Variants in PAPSS1 observed in about 807,000 individuals in gnomAD.
PAPSS1 encodes the protein 3'-phosphoadenosine 5'-phosphosulfate synthase 1.
PAPSS1 carries 50 observed loss-of-function variants against 72.0 expected under a neutral mutation model. The observed-to-expected ratio is 0.69, with a 90% CI of 0.55 to 0.88. The LOEUF (loss-of-function observed/expected upper bound fraction) is 0.88, where lower values mean the gene tolerates loss of function less well. PAPSS1 is among the 40% of genes least tolerant of loss of function. PAPSS1 has a pLI of 0.00. For synonymous variants in PAPSS1, 261 were observed against 263.6 expected, an observed-to-expected ratio of 0.99 and a Z score of 0.09; for missense variants, 657 against 782.2, an observed-to-expected ratio of 0.84 and a Z score of 1.91.
intron 3 of PAPSS1, among the ~76,000 whole-genome samples, chr4:107,688,710 C>T (rs190121148): frequency 1.3e-5 from 2 of 152,220 alleles, no homozygotes; most frequent in East Asian, 1.9e-4. Flanking sequence ...AGTTCTTGAG[C>T]GTTTCTCTCA....
intron 11 of PAPSS1, among the ~76,000 whole-genome samples, chr4:107,622,454 G>A (rs139636811): frequency 1.3e-5 from 2 of 152,164 alleles, no homozygotes; most frequent in African/African-American, 4.8e-5. Context: ...CAACCACTAA[G>A]AGAAAAAAAT....
At chr4:107,719,822 G>C in intron 1 of PAPSS1, 1 of 1,269,636 alleles carries the variant, frequency 7.9e-7, no homozygotes, top group Non-Finnish European at 9.9e-7. Context: ...CACGGGTGAA[G>C]GATTTTCCTG....
At chr4:107,625,910 G>A (rs150310566) in intron 11 of PAPSS1, among the ~76,000 whole-genome samples, 14 of 152,106 alleles carry the variant, frequency 9.2e-5, no homozygotes, top group African/African-American at 3.1e-4. Context: ...GGCCGGGCGC[G>A]GTGGCTCATG....
At chr4:107,679,301 G>A (rs947934196) in intron 5 of PAPSS1, among the ~76,000 whole-genome samples, 2 of 152,078 alleles carry the variant, frequency 1.3e-5, no homozygotes, top group Non-Finnish European at 2.9e-5. Context: ...GAACACTGAG[G>A]ATGAAGCAGG....
At chr4:107,654,179 T>C (rs887106205) in intron 8 of PAPSS1, among the ~76,000 whole-genome samples, 3 of 152,230 alleles carry the variant, frequency 2.0e-5, no homozygotes, top group African/African-American at 7.2e-5. Context: ...GCCAACAATG[T>C]GCCCAGCTTC....
rs1722800673 is a variant in PAPSS1, at chr4:107,686,908, T to C, written c.550+131A>G. The C allele has an allele frequency of 3.6e-6, 3 of 841,964 alleles. No homozygotes were observed. The South Asian group carries it at 4.9e-5, about 14-fold the overall frequency. 52.2% of individuals were successfully genotyped at this position (841,964 alleles called of 1,614,324 possible). On this transcript the variant is annotated intron_variant, in intron 4 of 11. Transcript: ENST00000265174. ...ATGCCTGAGAGATAGAACAGTGTAA[T>C]AAGACTACATTCTCTCCTCAAGGAG...
At chr4:107,625,112 G>A (rs1726057140) in intron 11 of PAPSS1, among the ~76,000 whole-genome samples, 1 of 152,184 alleles carries the variant, frequency 6.6e-6, no homozygotes. Context: ...GCCATTTTAA[G>A]AAATGGCTGA....
intron 1 of PAPSS1, among the ~76,000 whole-genome samples, chr4:107,706,381 T>C (rs1456036327): frequency 6.6e-6 from 1 of 152,164 alleles, no homozygotes; most frequent in Non-Finnish European, 1.5e-5. Context: ...TACAATTATT[T>C]TGCTTGATCA....
At position 107,682,143 on chromosome 4, in the gene PAPSS1, G is replaced by T. The variant is rs758471085; in HGVS notation, c.551-10C>A. On this transcript the variant is annotated splice_polypyrimidine_tract_variant and intron_variant, in intron 4 of 11. Transcript: ENST00000265174. ...TCGATCCCAGTGAAACCTGCAAAAG[G>T]TAACAGATAATAGAGTAGGGTGGAA... 1 of 1,334,578 alleles carries T rather than the reference G, an allele frequency of 7.5e-7. No homozygotes were observed. 82.7% of individuals were successfully genotyped at this position (1,334,578 alleles called of 1,614,324 possible). A position where few individuals can be genotyped will look rare whatever the true frequency, so the allele number is the denominator to read the frequency against.
rs1452814143 is a variant in PAPSS1 at position 107,703,810 on chromosome 4, T to TC, written c.61-2526dup. Among the ~76,000 whole-genome samples, 10 of 152,346 alleles carry TC rather than the reference T, an allele frequency of 6.6e-5. No homozygotes were observed. The East Asian group carries it at 1.9e-3, about 29-fold the overall frequency. On this transcript the variant is annotated intron_variant, in intron 1 of 11. Coordinates refer to ENST00000265174, the MANE Select transcript of PAPSS1 (RefSeq NM_005443.5). ...ATACCTCCCGCTTTGTTATCTTTGC[T>TC]CAAGATTGCTTTGGTTATCTGGGGT...
intron 1 of PAPSS1, among the ~76,000 whole-genome samples, chr4:107,714,708 G>A (rs1363454026): frequency 1.3e-5 from 2 of 151,996 alleles, no homozygotes; most frequent in East Asian, 1.9e-4. Flanking sequence ...CCCTCCATAC[G>A]CAAGTAGAAT....
chr4:107,625,558 A>G (rs545416672), intron 11 of PAPSS1, among the ~76,000 whole-genome samples: 2 of 152,330 alleles, frequency 1.3e-5, no homozygotes, highest in South Asian at 2.1e-4. Flanking sequence ...AACTCGGCTA[A>G]TAACAGGGTT....
At chr4:107,693,602 G>A (rs866019470) in intron 3 of PAPSS1, among the ~76,000 whole-genome samples, 169 bp downstream of exon 3, 4 of 152,180 alleles carry the variant, frequency 2.6e-5, no homozygotes, top group South Asian at 2.1e-4. Context: ...TCACAGCATA[G>A]AAATGTTTTA....
intron 11 of PAPSS1, among the ~76,000 whole-genome samples, chr4:107,629,079 C>G (rs934162676): frequency 1.3e-5 from 2 of 152,152 alleles, no homozygotes; most frequent in Non-Finnish European, 2.9e-5. Flanking sequence ...TAAACTCACA[C>G]TAACTGATTA....
intron 1 of PAPSS1, among the ~76,000 whole-genome samples, chr4:107,716,253 G>C (rs1456838329): frequency 6.6e-6 from 1 of 152,150 alleles, no homozygotes; most frequent in African/African-American, 2.4e-5. Context: ...GTGAACATAT[G>C]TACCTATGAG....
At chr4:107,712,692 G>C (rs538231782) in intron 1 of PAPSS1, among the ~76,000 whole-genome samples, 1 of 152,056 alleles carries the variant, frequency 6.6e-6, no homozygotes, top group African/African-American at 2.4e-5. Flanking sequence ...GGCCAACATT[G>C]TGAAACCCCG....
intron 11 of PAPSS1, among the ~76,000 whole-genome samples, chr4:107,621,644 G>T (rs1227753199): frequency 1.9e-5 from 1 of 52,742 alleles, no homozygotes; most frequent in Non-Finnish European, 3.5e-5. Flanking sequence ...TTTTTGAGAA[G>T]GAGTCTTGCT....
At chr4:107,692,505 G>A (rs1181097836) in intron 3 of PAPSS1, among the ~76,000 whole-genome samples, 1 of 152,076 alleles carries the variant, frequency 6.6e-6, no homozygotes, top group Non-Finnish European at 1.5e-5. Context: ...GTGAGCTCGT[G>A]GAGAAAAAGA....
chr4:107,625,396 C>T (rs866423078), intron 11 of PAPSS1, among the ~76,000 whole-genome samples: 25 of 152,252 alleles, frequency 1.6e-4, no homozygotes, highest in Admixed American at 5.2e-4. Flanking sequence ...AGATCTGAGG[C>T]ATGACAGGGA....
Sources: allele counts gnomAD v4.1 joint callset (sites outside exome capture counted in the v4.1 genomes callset), GRCh38; gene constraint gnomAD v4.1.1; transcripts MANE v1.5; gene names NCBI Gene and HGNC (gene_info 2026-07-23, HGNC 2026-07-21).